The following CSTF1 variants were observed in gnomAD, a reference collection of about 807,000 sequenced individuals.
CSTF1 encodes the protein CF-1 50 kDa subunit.
In CSTF1, 2 loss-of-function variants were observed where a neutral mutation model predicts 40.9. The observed-to-expected ratio is 0.05, with a 90% CI of 0.02 to 0.15. The LOEUF (loss-of-function observed/expected upper bound fraction) is 0.15, where lower values mean the gene tolerates loss of function less well. Ranked by LOEUF, CSTF1 falls within the 10% of genes least tolerant of loss-of-function variation. The pLI, the probability that CSTF1 is intolerant of heterozygous loss-of-function variation, is 1.00. For synonymous variants in CSTF1, 218 were observed against 207.2 expected, an observed-to-expected ratio of 1.05 and a Z score of -0.45; for missense variants, 279 against 558.9, an observed-to-expected ratio of 0.50 and a Z score of 5.05.
rs1224406164 is a variant in CSTF1, at chr20:56,403,847, T to G, written c.*120T>G. On this transcript the variant is annotated 3_prime_UTR_variant, in exon 6 of 6. Transcript: ENST00000217109. ...CGTTTTGCTGCCACCTCTGTCCACATTCTTCTTGGATTTGTATAAAAGAAT... is the reference window on the plus strand; with the variant it reads ...CGTTTTGCTGCCACCTCTGTCCACAGTCTTCTTGGATTTGTATAAAAGAAT... The G allele has an allele frequency of 4.0e-6, 4 of 997,790 alleles. No homozygotes were observed. Among genetic ancestry groups the G allele is most frequent in the African/African-American group, 3.2e-5 (2 of 61,946 alleles). 61.8% of individuals were successfully genotyped at this position (997,790 alleles called of 1,614,324 possible).
chr20:56,397,046 G>A lies in CSTF1; in HGVS notation c.170-161G>A. 1 of 744,302 alleles carries A rather than the reference G, an allele frequency of 1.3e-6. No individual in the cohort carries two copies. The highest frequency in any genetic ancestry group is 2.1e-6 in the Non-Finnish European group (1 of 469,816). The allele number at this position is 744,302 out of a possible 1,614,324, so 46.1% of individuals were successfully genotyped here. A position where few individuals can be genotyped will look rare whatever the true frequency, so the allele number is the denominator to read the frequency against. ...GCGTGGTGAACTTTGAATAGCATGGGCAAAATACACAGTTTTGTAAAGTGT... is the reference window on the plus strand; with the variant it reads ...GCGTGGTGAACTTTGAATAGCATGGACAAAATACACAGTTTTGTAAAGTGT... On this transcript the variant is annotated intron_variant, in intron 2 of 5. Coordinates refer to ENST00000217109, the MANE Select transcript of CSTF1 (RefSeq NM_001324.3). The surrounding 1 kb of genome is among the most constrained non-coding windows in gnomAD (Gnocchi z 4.4).
chr20:56,394,480 G>A (rs1025882613), intron 1 of CSTF1, among the ~76,000 whole-genome samples: 2 of 152,198 alleles, frequency 1.3e-5, no homozygotes, highest in African/African-American at 2.4e-5. Context: ...TTAGCTACTC[G>A]GGAGGCTGAG....
intron 5 of CSTF1, among the ~76,000 whole-genome samples, chr20:56,402,674 C>A (rs1978510325): frequency 6.6e-6 from 1 of 152,150 alleles, no homozygotes; most frequent in African/African-American, 2.4e-5. Flanking sequence ...TGGTGGCTCA[C>A]ACCTGTAATC....
intron 1 of CSTF1, among the ~76,000 whole-genome samples, chr20:56,393,025 T>A (rs1987328011): frequency 6.6e-6 from 1 of 152,108 alleles, no homozygotes; most frequent in Admixed American, 6.5e-5. Flanking sequence ...TGTCCTCGTG[T>A]GCTCACCTGC....
Position 56,399,155 on chromosome 20 carries a change from A to C in CSTF1, c.834A>C (p.Val278=). 2 of 1,614,226 alleles carry C rather than the reference A, an allele frequency of 1.2e-6. No individual in the cohort carries two copies. The highest frequency in any genetic ancestry group is 1.7e-6 in the Non-Finnish European group (2 of 1,180,030). The part of the protein sequence containing the change: ...VNYNSSANMY[V]TGSKDGCIKL... ...ACAATTCTAGTGCCAATATGTACGT[A>C]ACTGGAAGCAAGGACGGCTGCATCA... Residue 278 remains valine (V), a synonymous_variant, in exon 5 of 6, where the codon GTA becomes GTC. Coordinates refer to ENST00000217109, the MANE Select transcript of CSTF1 (RefSeq NM_001324.3). This position sits in a 1 kb window ranked among gnomAD's most constrained non-coding sequence, Gnocchi z 4.6.
Position 56,395,690 on chromosome 20 carries a change from C to G in CSTF1, c.138C>G (p.Pro46=). 1 of 1,614,054 alleles carries G rather than the reference C, an allele frequency of 6.2e-7. No homozygotes were observed. The stretch of plus-strand genomic sequence containing the variant: ...TCAAGCCTCAGTCTGTGTGTGCACC[C>G]TCGGAGCAGCTCCTGCATCTCATCA... The part of the protein sequence containing the change: ...NEIKPQSVCA[P]SEQLLHLIKL... The change falls in exon 2 of 6, where the codon CCC becomes CCG. Residue 46 remains proline, a synonymous_variant. Coordinates refer to ENST00000217109, the MANE Select transcript of CSTF1 (RefSeq NM_001324.3).
chr20:56,395,250 G>T (rs1413738229), intron 1 of CSTF1, among the ~76,000 whole-genome samples: 1 of 152,200 alleles, frequency 6.6e-6, no homozygotes, highest in Non-Finnish European at 1.5e-5. Flanking sequence ...GTGAGAGATT[G>T]TACCGTAAAC....
In CSTF1 at chr20:56,397,349, C is replaced by T. The variant is rs764134713; in HGVS notation, c.312C>T (p.Val104=). ...PEASEYETCY[V]TSHKGPCRVA... is the part of the protein sequence containing the mutation. ...CTTCTGAGTACGAAACATGCTATGTCACATCACATAAAGGACCATGCCGTG... is the reference window on the plus strand; with the variant it reads ...CTTCTGAGTACGAAACATGCTATGTTACATCACATAAAGGACCATGCCGTG... The change falls in exon 3 of 6, where the codon GTC becomes GTT. Residue 104 remains valine (V), a synonymous_variant. Transcript: ENST00000217109. The surrounding 1 kb of genome is among the most constrained non-coding windows in gnomAD (Gnocchi z 4.4). 3 of 1,614,154 alleles carry T rather than the reference C, an allele frequency of 1.9e-6. No individual in the cohort carries two copies. The highest frequency in any genetic ancestry group is 1.7e-5 in the Admixed American group (1 of 60,020).
In CSTF1 at chr20:56,403,935, T is replaced by C; in HGVS notation, c.*208T>C. 1 of 554,144 alleles carries C rather than the reference T, an allele frequency of 1.8e-6. No homozygotes were observed. Among genetic ancestry groups the C allele is most frequent in the Non-Finnish European group, 3.2e-6 (1 of 313,758 alleles). 34.3% of individuals were successfully genotyped at this position (554,144 alleles called of 1,614,324 possible). ...TTGGAAACACAGATCTGTGCAGTTC[T>C]ACATTCACTGATTATTACAGTGTGA... On this transcript the variant is annotated 3_prime_UTR_variant, in exon 6 of 6. Transcript: ENST00000217109.
intron 1 of CSTF1, among the ~76,000 whole-genome samples, chr20:56,392,982 A>G (rs16979877): frequency 0.056 from 8,452 of 152,096 alleles, 284 homozygotes; most frequent in Middle Eastern, 0.1. Flanking sequence ...TAGCCTTTCC[A>G]ACTGCGATGT....
chr20:56,395,625 G>A lies in CSTF1; in HGVS notation c.73G>A (p.Asp25Asn). 10 of 1,614,202 alleles carry A rather than the reference G, an allele frequency of 6.2e-6. No individual in the cohort carries two copies. Among genetic ancestry groups the A allele is most frequent in the Non-Finnish European group, 7.6e-6 (9 of 1,180,034 alleles). ...GCTGATCATTAGCCAGCTGCTATAT[G>A]ACGGCTACATCAGCATCGCCAATGG... ...YKLIISQLLY[D>N]GYISIANGLI... is the part of the protein sequence containing the mutation. Residue 25 changes from aspartate to asparagine, a missense_variant, in exon 2 of 6, where the codon GAC (aspartate) becomes AAC (asparagine). Around this residue, in one of 4 missense-constraint regions of CSTF1, gnomAD observed 51 missense variants for 55.0 expected, o/e 0.93. Coordinates refer to ENST00000217109, the MANE Select transcript of CSTF1 (RefSeq NM_001324.3).
intron 5 of CSTF1, among the ~76,000 whole-genome samples, chr20:56,402,043 A>G (rs1342595049): frequency 6.6e-6 from 1 of 152,240 alleles, no homozygotes; most frequent in African/African-American, 2.4e-5. Flanking sequence ...ACTGTGGCTC[A>G]CACCTATTAT....
intron 1 of CSTF1, among the ~76,000 whole-genome samples, chr20:56,395,240 G>C (rs1318864982): frequency 6.6e-6 from 1 of 152,194 alleles, no homozygotes; most frequent in Non-Finnish European, 1.5e-5. Context: ...AGAAAAGTTG[G>C]TGAGAGATTG....
At chr20:56,395,228 G>A (rs1396931422) in intron 1 of CSTF1, among the ~76,000 whole-genome samples, 2 of 152,212 alleles carry the variant, frequency 1.3e-5, no homozygotes, top group East Asian at 1.9e-4. Context: ...GTTTGGTGGA[G>A]AAGAAAAGTT....
intron 4 of CSTF1, 27 bp from the exon 5 acceptor site, chr20:56,398,940 C>T: frequency 6.4e-7 from 1 of 1,554,294 alleles, no homozygotes; most frequent in Non-Finnish European, 8.7e-7. Flanking sequence ...CAGTTGGTCA[C>T]TTGTATTAAT....
At chr20:56,394,682 A>G (rs1170361356) in intron 1 of CSTF1, among the ~76,000 whole-genome samples, 3 of 152,244 alleles carry the variant, frequency 2.0e-5, no homozygotes, top group Non-Finnish European at 4.4e-5. Flanking sequence ...AAACATACAC[A>G]TACATAAAGG....
intron 4 of CSTF1, among the ~76,000 whole-genome samples, chr20:56,398,071 T>A (rs1978320803): frequency 6.6e-6 from 1 of 152,180 alleles, no homozygotes; most frequent in African/African-American, 2.4e-5. Flanking sequence ...TTTGGAGGGT[T>A]TGGAATCCAT....
In CSTF1 at chr20:56,406,245, C is replaced by T. The variant is rs973049467; in HGVS notation, c.*2518C>T. On this transcript the variant is annotated 3_prime_UTR_variant, in exon 6 of 6. Transcript: ENST00000217109. Reference sequence around the variant, plus strand: ...TAGTATCTGCATCTCGTTAATTGTACCACACAACACTCTGCCATTCAAATA... The same window carrying T: ...TAGTATCTGCATCTCGTTAATTGTATCACACAACACTCTGCCATTCAAATA... The T allele has an allele frequency of 6.6e-6, 1 of 151,674 alleles. No homozygotes were observed. The highest frequency in any genetic ancestry group is 6.6e-5 in the Admixed American group (1 of 15,228). The allele number at this position is 151,674 out of a possible 1,614,324, so 9.4% of individuals were successfully genotyped here. A position where few individuals can be genotyped will look rare whatever the true frequency, so the allele number is the denominator to read the frequency against.
chr20:56,394,104 C>T (rs935172383), intron 1 of CSTF1, among the ~76,000 whole-genome samples: 9 of 152,098 alleles, frequency 5.9e-5, no homozygotes, highest in African/African-American at 9.7e-5. Context: ...TATTTGTGTC[C>T]CAGGATTTTC....
Sources: gnomAD v4.1 joint callset for allele counts (sites outside exome capture counted in the v4.1 genomes callset) on GRCh38, gnomAD v4.1.1 for gene constraint, gnomAD v4.1.1 regional missense constraint, Gnocchi (gnomAD v3.1) non-coding constraint, MANE v1.5 for transcripts, NCBI Gene and HGNC (gene_info 2026-07-23, HGNC 2026-07-21) for gene names.